The following SLIT3 variants were observed in gnomAD, a reference collection of about 807,000 sequenced individuals.
SLIT3 encodes slit guidance ligand 3, also known as slit homolog 3 protein.
A neutral mutation model predicts 184.0 loss-of-function variants in SLIT3; 68 were observed. That is an observed-to-expected ratio of 0.37 (90% confidence interval 0.30 to 0.45). The LOEUF (loss-of-function observed/expected upper bound fraction) is 0.45. SLIT3 is among the 20% of genes least tolerant of loss of function. The probability of loss-of-function intolerance (pLI) is 1.00; values close to 1 mark genes in which losing one functional copy is unlikely to be tolerated. For missense variants in SLIT3, 1,707 were observed against 2,026.0 expected (o/e 0.84, Z 3.02); for synonymous variants, 831 against 828.6 (o/e 1.00, Z -0.05).
chr5:168,968,304 T>C (rs1392733325), intron 4 of SLIT3, among the ~76,000 whole-genome samples: 2 of 152,124 alleles, frequency 1.3e-5, no homozygotes, highest in Non-Finnish European at 2.9e-5. Flanking sequence ...TCTCATTGCC[T>C]CTCCCTGTTA....
intron 4 of SLIT3, among the ~76,000 whole-genome samples, chr5:169,090,347 C>T (rs1337497067): frequency 6.6e-6 from 1 of 152,176 alleles, no homozygotes; most frequent in Non-Finnish European, 1.5e-5. Flanking sequence ...GAATGACTCT[C>T]CTTGTCAGGG....
intron 14 of SLIT3, among the ~76,000 whole-genome samples, chr5:168,767,982 T>C (rs903898164): frequency 4.6e-5 from 7 of 152,164 alleles, no homozygotes; most frequent in African/African-American, 1.7e-4. Context: ...CCCAGGGTGC[T>C]TCTCCAGACC....
chr5:169,090,386 C>T (rs138062722), intron 4 of SLIT3, among the ~76,000 whole-genome samples: 1 of 152,164 alleles, frequency 6.6e-6, no homozygotes, highest in South Asian at 2.1e-4. Flanking sequence ...GACATGCAAG[C>T]CTGGGAACTG....
chr5:169,048,751 T>C (rs1757713426), intron 4 of SLIT3, among the ~76,000 whole-genome samples: 1 of 152,238 alleles, frequency 6.6e-6, no homozygotes, highest in East Asian at 1.9e-4. Context: ...GTTACAGACA[T>C]TGCCTCTATC....
At chr5:169,062,959 A>G (rs1306409442) in intron 4 of SLIT3, among the ~76,000 whole-genome samples, 1 of 152,252 alleles carries the variant, frequency 6.6e-6, no homozygotes, top group Admixed American at 6.5e-5. Flanking sequence ...AACCTGTTCA[A>G]AATCAAGCCT....
chr5:169,143,629 T>A (rs1027835856), intron 4 of SLIT3, among the ~76,000 whole-genome samples: 4 of 152,224 alleles, frequency 2.6e-5, no homozygotes, highest in African/African-American at 9.6e-5. Context: ...CGAAAACCCG[T>A]CTCTACTAAA....
intron 16 of SLIT3, among the ~76,000 whole-genome samples, chr5:168,759,658 G>A (rs932240305): frequency 3.9e-5 from 6 of 152,206 alleles, no homozygotes; most frequent in Non-Finnish European, 5.9e-5. Context: ...AGCTGAGAAC[G>A]TGGGTGTGGG....
intron 3 of SLIT3, among the ~76,000 whole-genome samples, chr5:169,222,553 A>G (rs1280884972): frequency 6.6e-6 from 1 of 152,192 alleles, no homozygotes; most frequent in Non-Finnish European, 1.5e-5. Context: ...TAATCTAAGC[A>G]AATTATTTCC....
At chr5:169,028,554 TAATA>T (rs1351480798) in intron 4 of SLIT3, among the ~76,000 whole-genome samples, 3 of 152,274 alleles carry the variant, frequency 2.0e-5, no homozygotes, top group African/African-American at 7.2e-5. Flanking sequence ...AGTTGGCACT[TAATA>T]AATGCTATAA....
chr5:169,180,039 C>T (rs765252892), intron 4 of SLIT3, among the ~76,000 whole-genome samples: 1 of 152,062 alleles, frequency 6.6e-6, no homozygotes, highest in African/African-American at 2.4e-5. Context: ...GTGATAAGTG[C>T]TATGAAGAAA....
chr5:168,832,328 A>G (rs1251903127), intron 6 of SLIT3, among the ~76,000 whole-genome samples: 2 of 152,252 alleles, frequency 1.3e-5, no homozygotes, highest in African/African-American at 4.8e-5. Context: ...TTTGGTGCCT[A>G]GCCAGTAAGA....
chr5:168,742,916 C>G (rs1763679153), intron 20 of SLIT3, among the ~76,000 whole-genome samples: 1 of 151,694 alleles, frequency 6.6e-6, no homozygotes, highest in South Asian at 2.1e-4. Flanking sequence ...ATCCCAAGGT[C>G]AAGAGATCGA....
intron 5 of SLIT3, among the ~76,000 whole-genome samples, chr5:168,866,287 C>T (rs1245654074): frequency 1.3e-5 from 2 of 152,232 alleles, no homozygotes; most frequent in Admixed American, 6.5e-5. Context: ...TTACCCTCCA[C>T]TGTTTGGAGA....
rs114976824 is a variant in SLIT3, at chr5:168,715,514, C to T, written c.2484-3160G>A. Among the ~76,000 whole-genome samples the T allele has an allele frequency of 6.4e-4, 97 of 152,214 alleles. 1 individual carries two copies. Among genetic ancestry groups the T allele is most frequent in the African/African-American group, 2.2e-3 (91 of 41,538 alleles). ...GACACTTCTGGGGCTCTCTCTGGAA[C>T]GATGAGGGCAGAAGCAGTTTAATTT... On this transcript the variant is annotated intron_variant, in intron 23 of 35. Coordinates refer to ENST00000519560, the MANE Select transcript of SLIT3 (RefSeq NM_003062.4).
chr5:168,890,998 T>C (rs1245750274), intron 4 of SLIT3, among the ~76,000 whole-genome samples: 5 of 152,218 alleles, frequency 3.3e-5, no homozygotes, highest in Non-Finnish European at 7.3e-5. Flanking sequence ...AGAGCACCAG[T>C]TCAATTCTCT....
chr5:168,885,064 G>C (rs1486100176), intron 4 of SLIT3, among the ~76,000 whole-genome samples: 9 of 152,102 alleles, frequency 5.9e-5, no homozygotes, highest in Non-Finnish European at 1.2e-4. Flanking sequence ...GGGCAGGAGG[G>C]AAAAGAGGAA....
intron 20 of SLIT3, among the ~76,000 whole-genome samples, chr5:168,741,205 T>C (rs1299703614): frequency 6.6e-6 from 1 of 152,070 alleles, no homozygotes; most frequent in Non-Finnish European, 1.5e-5. Flanking sequence ...GCACGGAGGC[T>C]CATGCCTGTA....
intron 4 of SLIT3, among the ~76,000 whole-genome samples, chr5:168,984,803 C>T (rs1755070091): frequency 1.3e-5 from 2 of 152,118 alleles, no homozygotes; most frequent in Non-Finnish European, 2.9e-5. Flanking sequence ...CACAGAAAAA[C>T]ATCCCAAACT....
Position 168,664,515 on chromosome 5 carries a change from T to C in SLIT3, c.*1939A>G, listed in dbSNP as rs1582502181. ...TCATCCCCTCCATCCCTTCCTTCTT[T>C]CCTTCCTTCCTTCTTCCAGTTGCCT... is the stretch of plus-strand genomic sequence containing the variant. On this transcript the variant is annotated 3_prime_UTR_variant, in exon 36 of 36. Transcript: ENST00000519560. The C allele has an allele frequency of 5.8e-5, 1 of 17,254 alleles. No homozygotes were observed. The highest frequency in any genetic ancestry group is 9.0e-5 in the Non-Finnish European group (1 of 11,084). The allele number at this position is 17,254 out of a possible 1,614,324, so 1.1% of individuals were successfully genotyped here.
Sources: gnomAD v4.1 joint callset for allele counts (sites outside exome capture counted in the v4.1 genomes callset) on GRCh38, gnomAD v4.1.1 for gene constraint, MANE v1.5 for transcripts, NCBI Gene and HGNC (gene_info 2026-07-23, HGNC 2026-07-21) for gene names.